Variants in NFIA observed in about 807,000 individuals in gnomAD.
The protein encoded by NFIA is nuclear factor I A.
A neutral mutation model predicts 62.8 loss-of-function variants in NFIA; 8 were observed. The ratio of observed to expected loss-of-function variants is 0.13; its 90% CI spans 0.07 to 0.23. NFIA has a LOEUF of 0.23. NFIA is among the 10% of genes least tolerant of loss of function. The pLI is 1.00. For synonymous variants in NFIA, 235 were observed against 238.1 expected, an observed-to-expected ratio of 0.99 and a Z score of 0.12; for missense variants, 410 against 642.1, an observed-to-expected ratio of 0.64 and a Z score of 3.91.
At chr1:61,327,235 T>G (rs1180761540) in intron 3 of NFIA, among the ~76,000 whole-genome samples, 1 of 151,308 alleles carries the variant, frequency 6.6e-6, no homozygotes, top group African/African-American at 2.4e-5. Context: ...ACAGTATATA[T>G]AAAAATATAT....
At chr1:61,386,441 G>A (rs970036531) in intron 7 of NFIA, among the ~76,000 whole-genome samples, 20 of 152,280 alleles carry the variant, frequency 1.3e-4, no homozygotes, top group Non-Finnish European at 1.6e-4. Flanking sequence ...CAGGGATCAC[G>A]GAGGCCATTG....
At chr1:61,304,536 C>T (rs1659654998) in intron 3 of NFIA, among the ~76,000 whole-genome samples, 1 of 152,050 alleles carries the variant, frequency 6.6e-6, no homozygotes, top group South Asian at 2.1e-4. Context: ...ATATGGCTGA[C>T]AAGGATCTGC....
chr1:61,370,191 A>G (rs1198351048), intron 6 of NFIA, among the ~76,000 whole-genome samples: 16 of 152,250 alleles, frequency 1.1e-4, no homozygotes, highest in East Asian at 5.8e-4. Context: ...GAGGATTACA[A>G]TAATGCCTAT....
upstream of NFIA, among the ~76,000 whole-genome samples, chr1:61,081,230 G>A (rs905205652): frequency 1.4e-4 from 22 of 151,800 alleles, no homozygotes; most frequent in African/African-American, 5.3e-4. Flanking sequence ...TCCGAGAGAG[G>A]AGAGCCTAGA....
At chr1:61,428,382 A>ACT (rs1553120144) in intron 10 of NFIA, among the ~76,000 whole-genome samples, 15 of 135,930 alleles carry the variant, frequency 1.1e-4, no homozygotes, top group African/African-American at 4.0e-4. Flanking sequence ...CTGGAACTGA[A>ACT]TTTTTTTTTT....
chr1:61,101,444 A>G (rs986458561), intron 2 of NFIA, among the ~76,000 whole-genome samples: 2 of 152,016 alleles, frequency 1.3e-5, no homozygotes, highest in Non-Finnish European at 1.5e-5. Flanking sequence ...TGTTTTCTCT[A>G]AAGAAAGCTG....
rs986726633 is a variant in NFIA at position 61,082,677 on chromosome 1, T to C, written c.-115T>C. 1.2e-5 allele frequency: 18 copies of C among 1,466,426 alleles called. No individual in the cohort carries two copies. In the African/African-American group the frequency reaches 2.5e-4, roughly 20 times the overall value. 90.8% of individuals were successfully genotyped at this position (1,466,426 alleles called of 1,614,324 possible). A position where few individuals can be genotyped will look rare whatever the true frequency, so the allele number is the denominator to read the frequency against. ...TGATTTTTTTTTCTCCCCCCTTCTC[T>C]CTCTCTCTCTCTCTCTCTCTTCCTC... On this transcript the variant is annotated 5_prime_UTR_variant, in exon 1 of 11. Transcript: ENST00000403491.
At chr1:61,302,239 C>T (rs931252617) in intron 3 of NFIA, among the ~76,000 whole-genome samples, 3 of 152,170 alleles carry the variant, frequency 2.0e-5, no homozygotes, top group African/African-American at 7.2e-5. Flanking sequence ...TCATATAGAA[C>T]CTATATGGAA....
chr1:61,442,797 A>G (rs1557442827), intron 10 of NFIA, among the ~76,000 whole-genome samples: 1 of 152,238 alleles, frequency 6.6e-6, no homozygotes, highest in Non-Finnish European at 1.5e-5. Flanking sequence ...TCTGGAAATC[A>G]ACCAATCAGT....
At chr1:61,082,863 G>A (rs1402764790) in intron 1 of NFIA, 45 bp downstream of exon 1, 75 of 1,538,496 alleles carry the variant, frequency 4.9e-5, no homozygotes, top group Non-Finnish European at 6.2e-5. Flanking sequence ...CCGGGGCGCC[G>A]GGGGCAGGGC....
At chr1:61,079,925 G>A (rs1273683449), upstream of NFIA, among the ~76,000 whole-genome samples, 1 of 152,194 alleles carries the variant, frequency 6.6e-6, no homozygotes, top group Admixed American at 6.5e-5. Context: ...AAGCCTTTCT[G>A]TAACTGTAAC....
Position 61,109,488 on chromosome 1 carries a change from T to TAA in NFIA, c.559+20808_559+20809insAA, listed in dbSNP as rs551884239. ...AATAATATTTACTGAGAATCTCTTA[T>TAA]GAGTATTTTTTTTTGGTGTGTTCTT... On this transcript the variant is annotated intron_variant, in intron 2 of 10. Transcript: ENST00000403491. Among the ~76,000 whole-genome samples the TAA allele has an allele frequency of 1.3e-4, 8 of 62,450 alleles. No individual in the cohort carries two copies. In the South Asian group the frequency reaches 3.8e-3, roughly 30 times the overall value. The allele number at this position is 62,450 out of a possible 152,430, so 41.0% of individuals were successfully genotyped here.
intron 9 of NFIA, among the ~76,000 whole-genome samples, chr1:61,421,555 G>A (rs9436645): frequency 0.18 from 27,133 of 152,096 alleles, 2,736 homozygotes; most frequent in East Asian, 0.43. Flanking sequence ...GTACCTCATC[G>A]CTTCCTGCAT....
At chr1:61,413,819 G>C (rs186036842) in intron 9 of NFIA, among the ~76,000 whole-genome samples, 1 of 151,396 alleles carries the variant, frequency 6.6e-6, no homozygotes, top group Non-Finnish European at 1.5e-5. Context: ...GTGGAGACAG[G>C]GTTTCGCCAT....
chr1:61,188,294 G>A (rs2100571611), intron 2 of NFIA, among the ~76,000 whole-genome samples: 1 of 152,140 alleles, frequency 6.6e-6, no homozygotes, highest in African/African-American at 2.4e-5. Flanking sequence ...TTAGATTTCA[G>A]AGAAGGAAGA....
chr1:61,322,335 G>C (rs528913112), intron 3 of NFIA, among the ~76,000 whole-genome samples: 1 of 152,270 alleles, frequency 6.6e-6, no homozygotes, highest in East Asian at 1.9e-4. Context: ...ACATACAGTA[G>C]TTAATGTATA....
chr1:61,421,245 C>T (rs1666605085), intron 9 of NFIA, among the ~76,000 whole-genome samples: 1 of 152,180 alleles, frequency 6.6e-6, no homozygotes, highest in Non-Finnish European at 1.5e-5. Flanking sequence ...CCCCATTAGG[C>T]TGTAACATGT....
intron 2 of NFIA, among the ~76,000 whole-genome samples, chr1:61,218,060 T>C (rs1333477949): frequency 1.3e-5 from 2 of 152,234 alleles, no homozygotes; most frequent in African/African-American, 4.8e-5. Flanking sequence ...TCCTAAGGCA[T>C]GATTATATAT....
chr1:61,235,060 C>A (rs1654909319), intron 2 of NFIA, among the ~76,000 whole-genome samples: 1 of 152,124 alleles, frequency 6.6e-6, no homozygotes, highest in Non-Finnish European at 1.5e-5. Context: ...AGAAGCTATT[C>A]CCACAAAAAT....
Sources: allele counts gnomAD v4.1 joint callset (sites outside exome capture counted in the v4.1 genomes callset), GRCh38; gene constraint gnomAD v4.1.1; transcripts MANE v1.5; gene names NCBI Gene and HGNC (gene_info 2026-07-23, HGNC 2026-07-21).